BBX: variants seen among roughly 807,000 people sequenced by gnomAD.
BBX encodes the protein BBX high mobility group box domain containing, also known as HMG box transcription factor BBX.
BBX carries 30 observed loss-of-function variants against 100.2 expected under a neutral mutation model. That is an observed-to-expected ratio of 0.30 (90% CI 0.22 to 0.41). BBX has a LOEUF of 0.41. Among genes scored for constraint, BBX ranks in the 10% least tolerant of loss-of-function variants. The pLI is 1.00. For missense variants in BBX, 1,023 were observed against 1,129.8 expected (o/e 0.91, Z 1.35); for synonymous variants, 376 against 388.1 (o/e 0.97, Z 0.37).
At chr3:107,664,057 G>A (rs545842648) in intron 3 of BBX, among the ~76,000 whole-genome samples, 10 of 152,166 alleles carry the variant, frequency 6.6e-5, no homozygotes, top group African/African-American at 2.2e-4. Context: ...CACCGGCCTC[G>A]GCCTCCCAAA....
intron 3 of BBX, among the ~76,000 whole-genome samples, chr3:107,682,378 A>G (rs1370264257): frequency 1.3e-5 from 2 of 152,152 alleles, no homozygotes; most frequent in Non-Finnish European, 1.5e-5. Context: ...GTATGCTTCT[A>G]TTAAGTGTGG....
chr3:107,749,854 G>A (rs1171763371), intron 9 of BBX, among the ~76,000 whole-genome samples: 1 of 152,042 alleles, frequency 6.6e-6, no homozygotes, highest in South Asian at 2.1e-4. Flanking sequence ...GGCTGGTCAC[G>A]AACTCCTGAC....
intron 2 of BBX, among the ~76,000 whole-genome samples, chr3:107,537,908 C>T (rs1205558384): frequency 6.6e-6 from 1 of 152,122 alleles, no homozygotes; most frequent in Admixed American, 6.5e-5. Context: ...AAGAAGCTGA[C>T]CTGGGAAGAA....
At chr3:107,779,465 G>T (rs1576770818) in intron 13 of BBX, among the ~76,000 whole-genome samples, 2 of 152,146 alleles carry the variant, frequency 1.3e-5, no homozygotes, top group East Asian at 3.9e-4. Context: ...TAAGGACATG[G>T]AATAGAGAGA....
chr3:107,690,141 T>C (rs2060068184), intron 3 of BBX, among the ~76,000 whole-genome samples: 1 of 152,194 alleles, frequency 6.6e-6, no homozygotes, highest in African/African-American at 2.4e-5. Context: ...TATTATAAAG[T>C]GCTTTATCAT....
intron 3 of BBX, among the ~76,000 whole-genome samples, chr3:107,704,797 G>A (rs1432904389): frequency 6.6e-6 from 1 of 152,114 alleles, no homozygotes; most frequent in Non-Finnish European, 1.5e-5. Flanking sequence ...GTGCAGGGGA[G>A]TTGTCAAAAC....
At chr3:107,800,966 C>T (rs539981253) in intron 16 of BBX, 129 bp from the exon 17 acceptor site, 81 of 879,562 alleles carry the variant, frequency 9.2e-5, no homozygotes, top group Non-Finnish European at 1.3e-4. Flanking sequence ...CCTTAATATT[C>T]GATGGATAGC....
At chr3:107,575,694 G>A (rs968972145) in intron 2 of BBX, among the ~76,000 whole-genome samples, 2 of 152,026 alleles carry the variant, frequency 1.3e-5, no homozygotes, top group African/African-American at 4.8e-5. Context: ...ATCTGATGAT[G>A]TAATACCAGA....
intron 2 of BBX, among the ~76,000 whole-genome samples, chr3:107,572,066 G>A (rs1476469542): frequency 6.6e-6 from 1 of 152,152 alleles, no homozygotes; most frequent in Non-Finnish European, 1.5e-5. Flanking sequence ...ATATGAAAGG[G>A]TAAATAAAGG....
At chr3:107,672,721 T>C (rs2059082178) in intron 3 of BBX, among the ~76,000 whole-genome samples, 1 of 152,050 alleles carries the variant, frequency 6.6e-6, no homozygotes, top group East Asian at 1.9e-4. Flanking sequence ...GTTTTGCCTT[T>C]TGTTTTTAAA....
chr3:107,799,448 A>G (rs1159919559), intron 16 of BBX, among the ~76,000 whole-genome samples: 1 of 152,190 alleles, frequency 6.6e-6, no homozygotes, highest in Non-Finnish European at 1.5e-5. Flanking sequence ...CCAAGAGCAT[A>G]TCTGAATTCC....
chr3:107,523,036 C>T lies in BBX; in HGVS notation c.-227C>T, dbSNP rs979724252. Reference sequence around the variant, plus strand: ...GGCTCCGCGAGCTTCTCTCCACTTTCCCATAGAGAAACCCTGACTGGCCGC... The same window carrying T: ...GGCTCCGCGAGCTTCTCTCCACTTTTCCATAGAGAAACCCTGACTGGCCGC... On this transcript the variant is annotated 5_prime_UTR_variant, in exon 1 of 18. Coordinates refer to ENST00000325805, the MANE Select transcript of BBX (RefSeq NM_001142568.3). The T allele has an allele frequency of 4.5e-5, 7 of 154,128 alleles. No individual in the cohort carries two copies. Among genetic ancestry groups the T allele is most frequent in the South Asian group, 1.9e-4 (1 of 5,216 alleles). 9.5% of individuals were successfully genotyped at this position (154,128 alleles called of 1,614,324 possible). A position where few individuals can be genotyped will look rare whatever the true frequency, so the allele number is the denominator to read the frequency against.
At chr3:107,560,777 T>C (rs899154570) in intron 2 of BBX, among the ~76,000 whole-genome samples, 3 of 152,198 alleles carry the variant, frequency 2.0e-5, no homozygotes, top group Non-Finnish European at 4.4e-5. Flanking sequence ...GATAGTCTAT[T>C]CTTCAAAATT....
chr3:107,534,889 G>C (rs1248842043), intron 2 of BBX, among the ~76,000 whole-genome samples: 1 of 152,226 alleles, frequency 6.6e-6, no homozygotes, highest in Non-Finnish European at 1.5e-5. Context: ...CTTCAGGAAA[G>C]TTGAATGCAG....
chr3:107,684,422 C>G (rs958556059), intron 3 of BBX: 1 of 152,010 alleles, frequency 6.6e-6, no homozygotes, highest in African/African-American at 2.4e-5. Flanking sequence ...AAGCCCTGTC[C>G]AAGGAGATGC....
chr3:107,719,764 G>A (rs1033905539), intron 5 of BBX, among the ~76,000 whole-genome samples: 3 of 151,980 alleles, frequency 2.0e-5, no homozygotes, highest in Non-Finnish European at 4.4e-5. Context: ...GTGACTGCCC[G>A]TTAGGAGATA....
At chr3:107,672,566 T>C (rs151289076) in intron 3 of BBX, among the ~76,000 whole-genome samples, 123 of 152,132 alleles carry the variant, frequency 8.1e-4, no homozygotes, top group African/African-American at 2.8e-3. Context: ...ATTTAGAAGC[T>C]GAAGTAGGGA....
chr3:107,584,717 G>C (rs1177601728), intron 2 of BBX, among the ~76,000 whole-genome samples: 2 of 96,436 alleles, frequency 2.1e-5, no homozygotes, highest in African/African-American at 8.2e-5. Flanking sequence ...TTGAGGTGGA[G>C]TCTCACTCTT....
At chr3:107,555,801 T>C (rs2050057442) in intron 2 of BBX, among the ~76,000 whole-genome samples, 1 of 152,180 alleles carries the variant, frequency 6.6e-6, no homozygotes, top group South Asian at 2.1e-4. Flanking sequence ...TCTGAACAAG[T>C]AGTAATTTCT....
Sources: allele counts gnomAD v4.1 joint callset (sites outside exome capture counted in the v4.1 genomes callset), GRCh38; gene constraint gnomAD v4.1.1; transcripts MANE v1.5; gene names NCBI Gene and HGNC (gene_info 2026-07-23, HGNC 2026-07-21).